The following MBOAT7 variants were observed in gnomAD, a reference collection of about 807,000 sequenced individuals.
MBOAT7 encodes the protein membrane bound acylglycerophosphatidylinositol O-acyltransferase MBOAT7.
In MBOAT7, 40 loss-of-function variants were observed where a neutral mutation model predicts 47.4. The ratio of observed to expected loss-of-function variants is 0.84; its 90% CI spans 0.66 to 1.10. The LOEUF (loss-of-function observed/expected upper bound fraction) is 1.10, where lower values mean the gene tolerates loss of function less well. Ranked by LOEUF, MBOAT7 falls within the 50% of genes least tolerant of loss-of-function variation. The pLI is 0.00. For synonymous variants in MBOAT7, 361 were observed against 292.0 expected (o/e 1.24, Z -2.41); for missense variants, 680 against 655.6 (o/e 1.04, Z -0.41).
chr19:54,180,919 G>C lies in MBOAT7; in HGVS notation c.708C>G (p.Pro236=). The C allele has an allele frequency of 1.3e-6, 2 of 1,598,168 alleles. No homozygotes were observed. The highest frequency in any genetic ancestry group is 1.7e-4 in the Middle Eastern group (1 of 6,010). ...AGCGCATGCGGAAGGCGAAGAAGAC[G>C]GGGATCATGTAGAAGAGGCGGGCGG... ...PLPARLFYMI[P]VFFAFRMRFY... Residue 236 remains proline, a synonymous_variant, in exon 6 of 8, where the codon CCC becomes CCG. Transcript: ENST00000245615. This position sits in a 1 kb window ranked among gnomAD's most constrained non-coding sequence, Gnocchi z 5.2.
chr19:54,188,319 G>C lies in MBOAT7; in HGVS notation c.104C>G (p.Ala35Gly). The change falls in exon 3 of 8, where the codon GCC becomes GGC. Residue 35 changes from alanine to glycine, a missense_variant. Ala to Gly is a moderately conservative substitution (Grantham distance 60). Coordinates refer to ENST00000245615, the MANE Select transcript of MBOAT7 (RefSeq NM_024298.5). ...CAGGGTGAGCCCCAGGCCCACAGCG[G>C]CTGCTCCCCATCTCTTCAGCCCAGG... The part of the protein sequence containing the change: ...AGPGLKRWGA[A>G]AVGLGLTLFT... The C allele has an allele frequency of 1.2e-6, 2 of 1,613,936 alleles. No homozygotes were observed. Among genetic ancestry groups the C allele is most frequent in the Non-Finnish European group, 1.7e-6 (2 of 1,179,928 alleles).
At chr19:54,188,396 C>T in intron 2 of MBOAT7, 37 bp downstream of exon 2, 1 of 1,589,326 alleles carries the variant, frequency 6.3e-7, no homozygotes, top group Non-Finnish European at 8.6e-7. Flanking sequence ...GAGGGTCCCC[C>T]CCCTTTATTT....
At chr19:54,175,197 C>T (rs1184265215) in intron 7 of MBOAT7, among the ~76,000 whole-genome samples, 2 of 152,236 alleles carry the variant, frequency 1.3e-5, no homozygotes, top group South Asian at 2.1e-4. Context: ...CCAGGATGGT[C>T]TCGATCTCCT....
Position 54,181,141 on chromosome 19 carries a change from GC to G in MBOAT7, c.494-9del. On this transcript the variant is annotated splice_polypyrimidine_tract_variant and intron_variant, in intron 5 of 7. Transcript: ENST00000245615. ...GGTAGCGGAAGAACGGGCCTGTGGG[GC>G]GGGGAGGGAGGGCCGCGGTCAGACA... The G allele has an allele frequency of 6.8e-7, 1 of 1,461,434 alleles. No homozygotes were observed. The highest frequency in any genetic ancestry group is 1.4e-5 in the South Asian group (1 of 69,450). The allele number at this position is 1,461,434 out of a possible 1,614,324, so 90.5% of individuals were successfully genotyped here. A position where few individuals can be genotyped will look rare whatever the true frequency, so the allele number is the denominator to read the frequency against.
intron 7 of MBOAT7, among the ~76,000 whole-genome samples, chr19:54,175,167 A>G (rs964271774): frequency 2.0e-5 from 3 of 152,042 alleles, no homozygotes; most frequent in Middle Eastern, 3.4e-3. Flanking sequence ...TTTAGTAGAG[A>G]CGGGGTTTCA....
In MBOAT7 at chr19:54,178,923, G is replaced by A; in HGVS notation, c.873C>T (p.Ser291=). The change falls in exon 7 of 8, where the codon TCC becomes TCT. Residue 291 remains serine (S), a synonymous_variant. Transcript: ENST00000245615. ...GGATGGTCTCATAGTCATACTCCAA[G>A]GAAGCCGCCTTCTCCGGACTGGGGG... ...PPPSSPEKAA[S]LEYDYETIRN... is the part of the protein sequence containing the mutation. 1.9e-6 allele frequency: 3 copies of A among 1,613,110 alleles called. No homozygotes were observed. The highest frequency in any genetic ancestry group is 2.2e-5 in the East Asian group (1 of 44,882).
intron 5 of MBOAT7, among the ~76,000 whole-genome samples, chr19:54,181,781 A>G (rs12974288): frequency 8.3e-3 from 19 of 2,284 alleles, no homozygotes; most frequent in East Asian, 0.019. Flanking sequence ...GAAGGAGGGA[A>G]GGAAGGAGGG....
rs909940114 is a variant in MBOAT7, at chr19:54,189,412, C to T, written c.-78G>A. The T allele has an allele frequency of 7.2e-5, 11 of 153,010 alleles. No homozygotes were observed. Among genetic ancestry groups the T allele is most frequent in the Non-Finnish European group, 1.2e-4 (8 of 68,668 alleles). The allele number at this position is 153,010 out of a possible 1,614,324, so 9.5% of individuals were successfully genotyped here. On this transcript the variant is annotated 5_prime_UTR_variant, in exon 1 of 8. Coordinates refer to ENST00000245615, the MANE Select transcript of MBOAT7 (RefSeq NM_024298.5). The stretch of plus-strand genomic sequence containing the variant: ...CCGCCGCAGCTCCGGCCACGCCTCC[C>T]CCGCCCAGCGCGCCCCCGCGCCGCC...
At chr19:54,179,065 G>T in intron 6 of MBOAT7, 124 bp from the exon 7 acceptor site, 1 of 1,358,222 alleles carries the variant, frequency 7.4e-7, no homozygotes, top group Non-Finnish European at 9.9e-7. Flanking sequence ...TGGCCCTCTG[G>T]CTGTCAGACT....
In MBOAT7 at chr19:54,181,038, G is replaced by A. The variant is rs1054262233; in HGVS notation, c.589C>T (p.Pro197Ser). The change falls in exon 6 of 8, where the codon CCG becomes TCG. Residue 197 changes from proline to serine, a missense_variant. Coordinates refer to ENST00000245615, the MANE Select transcript of MBOAT7 (RefSeq NM_024298.5). ...SLRPLLRRAW[P>S]APLFGLLFLL... is the part of the protein sequence containing the mutation. ...AACAGCAGGCCGAAGAGCGGGGCCG[G>A]CCAGGCGCGGCGCAGCAGGGGCCGC... is the stretch of plus-strand genomic sequence containing the variant. The A allele has an allele frequency of 6.5e-7, 1 of 1,548,596 alleles. No homozygotes were observed. The highest frequency in any genetic ancestry group is 8.7e-7 in the Non-Finnish European group (1 of 1,146,722).
chr19:54,174,060 T>A lies in MBOAT7; in HGVS notation c.1403A>T (p.Lys468Met). The A allele has an allele frequency of 1.3e-6, 2 of 1,599,160 alleles. No individual in the cohort carries two copies. Among genetic ancestry groups the A allele is most frequent in the South Asian group, 2.2e-5 (2 of 89,816 alleles). Residue 468 changes from lysine to methionine, a missense_variant, in exon 8 of 8, where the codon AAG (lysine) becomes ATG (methionine). Physicochemically the swap from Lys to Met is moderately conservative, Grantham distance 95. Transcript: ENST00000245615. ...CGTGACAGCTTACTCCTCCCGGAGC[T>A]TCTCCGGGGCAAGGCTGGTGGGCTG... is the stretch of plus-strand genomic sequence containing the variant. ...ASQPTSLAPEKLREE is the reference protein window; with the variant it reads ...ASQPTSLAPEMLREE
intron 4 of MBOAT7, among the ~76,000 whole-genome samples, chr19:54,184,955 A>G (rs2076391932): frequency 6.6e-6 from 1 of 150,680 alleles, no homozygotes; most frequent in African/African-American, 2.4e-5. Flanking sequence ...CACACCTATA[A>G]CACTAGCACT....
At chr19:54,187,013 C>T in intron 4 of MBOAT7, 148 bp downstream of exon 4, 1 of 976,750 alleles carries the variant, frequency 1.0e-6, no homozygotes, top group Non-Finnish European at 1.5e-6. Flanking sequence ...ATGGGGAATG[C>T]TGTGCCCAGG....
At chr19:54,188,544 C>A in intron 1 of MBOAT7, 33 bp from the exon 2 acceptor site, 1 of 1,541,316 alleles carries the variant, frequency 6.5e-7, no homozygotes, top group Non-Finnish European at 8.8e-7. Flanking sequence ...CAGTGAGAAC[C>A]CAGGAATCCA....
intron 6 of MBOAT7, 63 bp from the exon 7 acceptor site, chr19:54,179,004 C>A: frequency 6.3e-7 from 1 of 1,576,900 alleles, no homozygotes; most frequent in South Asian, 1.2e-5. Flanking sequence ...CCTCCCGACG[C>A]CTGCTAGTGT....
At position 54,188,205 on chromosome 19, in the gene MBOAT7, C is replaced by T. The variant is rs1458938231; in HGVS notation, c.206+12G>A. 1 of 1,596,968 alleles carries T rather than the reference C, an allele frequency of 6.3e-7. No homozygotes were observed. The highest frequency in any genetic ancestry group is 8.5e-7 in the Non-Finnish European group (1 of 1,171,710). On this transcript the variant is annotated intron_variant, in intron 3 of 7. Coordinates refer to ENST00000245615, the MANE Select transcript of MBOAT7 (RefSeq NM_024298.5). ...CCCTCCTCTCCCTCTCCTCCCTCCA[C>T]CAAATTCTCACCAGGGCTGGGCCTG... is the stretch of plus-strand genomic sequence containing the variant.
At chr19:54,187,040 C>T (rs964954842) in intron 4 of MBOAT7, 121 bp downstream of exon 4, 28 of 1,256,422 alleles carry the variant, frequency 2.2e-5, no homozygotes, top group East Asian at 5.1e-5. Flanking sequence ...AGTGAGGTGA[C>T]GTCCCACCCC....
chr19:54,188,069 G>GAAAGAAAGAAAAAAAA (rs1416964687), intron 3 of MBOAT7, 148 bp downstream of exon 3: 3 of 200,044 alleles, frequency 1.5e-5, no homozygotes, highest in Non-Finnish European at 2.7e-5. Flanking sequence ...AAGAAAGAAA[G>GAAAGAAAGAAAAAAAA]ACAAACAAAC....
intron 7 of MBOAT7, among the ~76,000 whole-genome samples, chr19:54,176,865 C>G (rs781634860): frequency 2.6e-5 from 4 of 151,554 alleles, no homozygotes; most frequent in African/African-American, 4.9e-5. Context: ...CCAGCCTGGT[C>G]AACACAGTGA....
Sources: gnomAD v4.1 joint callset for allele counts (sites outside exome capture counted in the v4.1 genomes callset) on GRCh38, gnomAD v4.1.1 for gene constraint, Gnocchi (gnomAD v3.1) non-coding constraint, MANE v1.5 for transcripts, NCBI Gene and HGNC (gene_info 2026-07-23, HGNC 2026-07-21) for gene names.